The following MAP4K2 variants were observed in gnomAD, a reference collection of about 807,000 sequenced individuals.
The protein encoded by MAP4K2 is mitogen-activated protein kinase kinase kinase kinase 2, also known as B lymphocyte serine/threonine protein kinase.
Under a neutral mutation model 125.3 loss-of-function variants are expected in MAP4K2, and 85 were observed. The ratio of observed to expected loss-of-function variants is 0.68; its 90% confidence interval spans 0.57 to 0.81. The LOEUF (loss-of-function observed/expected upper bound fraction) is 0.81. Among genes scored for constraint, MAP4K2 ranks in the 40% least tolerant of loss-of-function variants. The pLI is 0.00. For synonymous variants in MAP4K2, 479 were observed against 445.1 expected, an observed-to-expected ratio of 1.08 and a Z score of -0.96; for missense variants, 923 against 1,056.4, an observed-to-expected ratio of 0.87 and a Z score of 1.75.
Position 64,796,792 on chromosome 11 carries a change from T to C in MAP4K2, c.1492+17A>G. 1 of 1,613,664 alleles carries C rather than the reference T, an allele frequency of 6.2e-7. No homozygotes were observed. The highest frequency in any genetic ancestry group is 8.5e-7 in the Non-Finnish European group (1 of 1,180,014). ...AGGGATTCCTTGGGCTCCCGCTTCC[T>C]CCCTGCCCCCACCTACCCCGAGTAA... On this transcript the variant is annotated intron_variant, in intron 21 of 31. Transcript: ENST00000294066.
Position 64,791,890 on chromosome 11 carries a change from G to A in MAP4K2, c.2092+19C>T, listed in dbSNP as rs540340087. On this transcript the variant is annotated intron_variant, in intron 27 of 31. Transcript: ENST00000294066. ...CATGCACACACACCCACCCCCAGCA[G>A]CCTGGCCCTTCTGCTCACCAGGTGG... The A allele has an allele frequency of 1.0e-4, 155 of 1,542,374 alleles. 4 individuals are homozygous for A. In the South Asian group the frequency reaches 1.8e-3, roughly 18 times the overall value.
chr11:64,801,871 A>C (rs1941199393), intron 5 of MAP4K2, 114 bp from the exon 6 acceptor site: 1 of 1,240,582 alleles, frequency 8.1e-7, no homozygotes, highest in African/African-American at 1.5e-5. Context: ...CCCTCTCCCC[A>C]AACAGGAAGT....
At chr11:64,793,576 C>T (rs1940624395) in intron 24 of MAP4K2, among the ~76,000 whole-genome samples, 1 of 152,160 alleles carries the variant, frequency 6.6e-6, no homozygotes, top group African/African-American at 2.4e-5. Flanking sequence ...AGCAGCCCTG[C>T]CACCTCCACC....
rs1245728299 is a variant in MAP4K2 at position 64,797,192 on chromosome 11, C to T, written c.1277G>A (p.Gly426Glu). 1.9e-6 allele frequency: 3 copies of T among 1,613,250 alleles called. No individual in the cohort carries two copies. Among genetic ancestry groups the T allele is most frequent in the Non-Finnish European group, 2.5e-6 (3 of 1,179,656 alleles). The change falls in exon 19 of 32, where the codon GGA (glycine) becomes GAA (glutamate). Residue 426 changes from glycine (G) to glutamate (E), a missense_variant and splice_region_variant. By Grantham distance (98) the Gly-to-Glu change is moderately conservative. Coordinates refer to ENST00000294066, the MANE Select transcript of MAP4K2 (RefSeq NM_004579.5). ...GCCTGAAGGAGGTGGGGGCAGGGTTCCTGCAGGCACAGGCGTGCTGTAATT... is the reference window on the plus strand; with the variant it reads ...GCCTGAAGGAGGTGGGGGCAGGGTTTCTGCAGGCACAGGCGTGCTGTAATT... ...PAEEPLSSPP[G>E]TLPPPPSGPN...
rs150214987 is a variant in MAP4K2 at position 64,799,421 on chromosome 11, C to T, written c.1053G>A (p.Pro351=). Residue 351 remains proline, a splice_region_variant and synonymous_variant, in exon 14 of 32, where the codon CCG becomes CCA. Coordinates refer to ENST00000294066, the MANE Select transcript of MAP4K2 (RefSeq NM_004579.5). ...TTCCCCTCAAGGCCTGCCCACTCAC[C>T]GGCTCATTCAGTGGGTCAGTTTCCT... ...RRKETDPLNE[P]WEEEWTLLGK... 8.7e-6 allele frequency: 14 copies of T among 1,612,448 alleles called. 1 individual carries two copies. In the South Asian group the frequency reaches 1.1e-4, roughly 13 times the overall value.
rs777771254 is a variant in MAP4K2, at chr11:64,796,841, G to A, written c.1460C>T (p.Ala487Val). ...AACAGGGTGAATCCAGGTGACAGCA[G>A]CGTGGATCCGCAGGGGGCAGCCATT... ...VFNGCPLRIH[A>V]AVTWIHPVTR... The change falls in exon 21 of 32, where the codon GCT (alanine) becomes GTT (valine). Residue 487 changes from alanine to valine, a missense_variant. This residue lies in a region of MAP4K2 where 833 missense variants were observed against 911.4 expected (regional missense o/e 0.91). Transcript: ENST00000294066. 1 of 1,613,820 alleles carries A rather than the reference G, an allele frequency of 6.2e-7. No homozygotes were observed. Among genetic ancestry groups the A allele is most frequent in the South Asian group, 1.1e-5 (1 of 91,092 alleles).
rs1268943755 is a variant in MAP4K2 at position 64,792,429 on chromosome 11, G to A, written c.1752-7C>T. The A allele has an allele frequency of 6.3e-7, 1 of 1,580,250 alleles. No individual in the cohort carries two copies. Among genetic ancestry groups the A allele is most frequent in the African/African-American group, 1.3e-5 (1 of 74,368 alleles). On this transcript the variant is annotated splice_polypyrimidine_tract_variant and splice_region_variant and intron_variant, in intron 24 of 31. Transcript: ENST00000294066. ...GGTGGACAGAGCAAAGCGCCTGTAG[G>A]GGTGATAACCAGGGCCTGTGTCTGG... is the stretch of plus-strand genomic sequence containing the variant.
rs1592569950 is a variant in MAP4K2 at position 64,789,470 on chromosome 11, T to C, written c.*67A>G. 2.1e-6 allele frequency: 3 copies of C among 1,441,060 alleles called. No individual in the cohort carries two copies. The highest frequency in any genetic ancestry group is 2.8e-5 in the African/African-American group (2 of 70,754). 89.3% of individuals were successfully genotyped at this position (1,441,060 alleles called of 1,614,324 possible). A position where few individuals can be genotyped will look rare whatever the true frequency, so the allele number is the denominator to read the frequency against. The stretch of plus-strand genomic sequence containing the variant: ...CTCCTCTGGTCTAGGATGGGCCCCT[T>C]TGCCCAAAAGGGCCTGCAGCTAAGG... On this transcript the variant is annotated 3_prime_UTR_variant, in exon 32 of 32. Transcript: ENST00000294066.
Position 64,785,185 on chromosome 11 carries a change from A to G in MAP4K2, c.*4352T>C, listed in dbSNP as rs1361651363. 1 of 152,270 alleles carries G rather than the reference A, an allele frequency of 6.6e-6. No homozygotes were observed. The highest frequency in any genetic ancestry group is 1.5e-5 in the Non-Finnish European group (1 of 68,046). 9.4% of individuals were successfully genotyped at this position (152,270 alleles called of 1,614,324 possible). A position where few individuals can be genotyped will look rare whatever the true frequency, so the allele number is the denominator to read the frequency against. ...AAAGTGCAGATTAACCTGTAGTGAC[A>G]GAAAGCAGCACAGTTGTTACTTGGG... On this transcript the variant is annotated 3_prime_UTR_variant, in exon 32 of 32. Transcript: ENST00000294066.
chr11:64,799,032 G>A (rs1215544313), intron 14 of MAP4K2, among the ~76,000 whole-genome samples, 195 bp from the exon 15 acceptor site: 1 of 152,234 alleles, frequency 6.6e-6, no homozygotes, highest in East Asian at 1.9e-4. Flanking sequence ...AACAGACAGC[G>A]AGGGAGGAAG....
rs1437432423 is a variant in MAP4K2, at chr11:64,796,628, C to T, written c.1572+6G>A. 2 of 1,614,064 alleles carry T rather than the reference C, an allele frequency of 1.2e-6. No individual in the cohort carries two copies. Among genetic ancestry groups the T allele is most frequent in the East Asian group, 2.2e-5 (1 of 44,886 alleles). ...CCTCTGCCCCCCACAGCCAGCCGGG[C>T]CTCACCTTCTCCAGCGTATCCTCAT... is the stretch of plus-strand genomic sequence containing the variant. On this transcript the variant is annotated splice_donor_region_variant and intron_variant, in intron 22 of 31. Transcript: ENST00000294066.
chr11:64,792,242 A>T lies in MAP4K2; in HGVS notation c.1844T>A (p.Leu615Gln). 6.2e-7 allele frequency: 1 copy of T among 1,611,738 alleles called. No individual in the cohort carries two copies. Among genetic ancestry groups the T allele is most frequent in the Non-Finnish European group, 8.5e-7 (1 of 1,179,526 alleles). ...GAGCAGGCTGGTGGGCAGGGCGGCCAGCAGGAAGGTGGCACCCGTGTAGGG... is the reference window on the plus strand; with the variant it reads ...GAGCAGGCTGGTGGGCAGGGCGGCCTGCAGGAAGGTGGCACCCGTGTAGGG... ...RNPYTGATFL[L>Q]AALPTSLLLL... is the part of the protein sequence containing the mutation. Residue 615 changes from leucine to glutamine, a missense_variant, in exon 26 of 32, where the codon CTG (leucine) becomes CAG (glutamine). By Grantham distance (113) the Leu-to-Gln change is moderately radical. Around this residue, in one of 2 missense-constraint regions of MAP4K2, gnomAD observed 833 missense variants for 911.4 expected, o/e 0.91. Coordinates refer to ENST00000294066, the MANE Select transcript of MAP4K2 (RefSeq NM_004579.5).
At chr11:64,798,574 A>AG (rs1940969303) in intron 15 of MAP4K2, among the ~76,000 whole-genome samples, 1 of 152,134 alleles carries the variant, frequency 6.6e-6, no homozygotes, top group Admixed American at 6.6e-5. Context: ...TGCTGGGATT[A>AG]CAGGCATGAG....
intron 30 of MAP4K2, 29 bp downstream of exon 30, chr11:64,789,860 G>A (rs771313952): frequency 5.0e-6 from 8 of 1,613,908 alleles, no homozygotes; most frequent in Non-Finnish European, 6.8e-6. Flanking sequence ...ACAAGGCAGG[G>A]GACAGCAAGG....
rs149943726 is a variant in MAP4K2, at chr11:64,802,449, C to T, written c.280G>A (p.Gly94Arg). ...TAAATCTCCTGCAGGGAGCCCCCTC[C>T]GCAGAACTCCATGCAGATCCACAAG... ...DRLWICMEFC[G>R]GGSLQEIYHA... The change falls in exon 4 of 32, where the codon GGA (glycine) becomes AGA (arginine). Residue 94 changes from glycine to arginine, a missense_variant. By Grantham distance (125) the Gly-to-Arg change is moderately radical. This residue lies in a region of MAP4K2 where 833 missense variants were observed against 911.4 expected (regional missense o/e 0.91). Transcript: ENST00000294066. 2.7e-6 allele frequency: 4 copies of T among 1,505,418 alleles called. No homozygotes were observed. Among genetic ancestry groups the T allele is most frequent in the South Asian group, 1.3e-5 (1 of 74,692 alleles). The allele number at this position is 1,505,418 out of a possible 1,614,324, so 93.3% of individuals were successfully genotyped here.
In MAP4K2 at chr11:64,786,268, T is replaced by C. The variant is rs1940195601; in HGVS notation, c.*3269A>G. On this transcript the variant is annotated 3_prime_UTR_variant, in exon 32 of 32. Transcript: ENST00000294066. ...TTATTGCATTATGTCTGTTACAGTATTTCTGATCCTCCTGACAGCCCTGCA... is the reference window on the plus strand; with the variant it reads ...TTATTGCATTATGTCTGTTACAGTACTTCTGATCCTCCTGACAGCCCTGCA... The C allele has an allele frequency of 6.6e-6, 1 of 152,256 alleles. No homozygotes were observed. The highest frequency in any genetic ancestry group is 2.4e-5 in the African/African-American group (1 of 41,468). 9.4% of individuals were successfully genotyped at this position (152,256 alleles called of 1,614,324 possible).
chr11:64,789,923 T>C lies in MAP4K2; in HGVS notation c.2285A>G (p.His762Arg). 6.2e-7 allele frequency: 1 copy of C among 1,613,750 alleles called. No individual in the cohort carries two copies. Among genetic ancestry groups the C allele is most frequent in the South Asian group, 1.1e-5 (1 of 91,082 alleles). The change falls in exon 30 of 32, where the codon CAT becomes CGT. Residue 762 changes from histidine to arginine, a missense_variant. Transcript: ENST00000294066. The stretch of plus-strand genomic sequence containing the variant: ...ATCCAGGCTTCGGCCTTGCATCCCA[T>C]GGCTCCAGAAGGCCAGCACACTGTC... ...LQDSVLAFWS[H>R]GMQGRSLDTN...
At chr11:64,791,568 G>A (rs1434491053) in intron 27 of MAP4K2, among the ~76,000 whole-genome samples, 1 of 152,100 alleles carries the variant, frequency 6.6e-6, no homozygotes, top group African/African-American at 2.4e-5. Context: ...TCAGGGTCTC[G>A]CCATGTTGTC....
At position 64,792,068 on chromosome 11, in the gene MAP4K2, G is replaced by C; in HGVS notation, c.1933C>G (p.Pro645Ala). The change falls in exon 27 of 32, where the codon CCC (proline) becomes GCC (alanine). Residue 645 changes from proline (P) to alanine (A), a missense_variant. By Grantham distance (27) the Pro-to-Ala change is conservative. Around this residue, in one of 2 missense-constraint regions of MAP4K2, gnomAD observed 833 missense variants for 911.4 expected, o/e 0.91. Transcript: ENST00000294066. ...GGCTCCAGCATCCCAGCTGGGCTGG[G>C]CAGAGGGCTGGAGAAGTTCTAGGGG... ...LLLKNFSSPL[P>A]SPAGMLEPLV... 6.3e-7 allele frequency: 1 copy of C among 1,588,908 alleles called. No homozygotes were observed. The highest frequency in any genetic ancestry group is 2.3e-5 in the East Asian group (1 of 43,652).
Sources: gnomAD v4.1 joint callset for allele counts (sites outside exome capture counted in the v4.1 genomes callset) on GRCh38, gnomAD v4.1.1 for gene constraint, gnomAD v4.1.1 regional missense constraint, MANE v1.5 for transcripts, NCBI Gene and HGNC (gene_info 2026-07-23, HGNC 2026-07-21) for gene names.